Variants in OSBPL9 observed in about 807,000 individuals in gnomAD.
OSBPL9 encodes the protein oxysterol-binding protein-related protein 9.
OSBPL9 carries 40 observed loss-of-function variants against 106.6 expected under a neutral mutation model. The ratio of observed to expected loss-of-function variants is 0.38; its 90% CI spans 0.29 to 0.49. The LOEUF (loss-of-function observed/expected upper bound fraction) is 0.49. OSBPL9 is among the 20% of genes least tolerant of loss of function. The probability of loss-of-function intolerance (pLI) is 0.97; values close to 1 mark genes in which losing one functional copy is unlikely to be tolerated. For missense variants in OSBPL9, 609 were observed against 887.2 expected (o/e 0.69, Z 3.98); for synonymous variants, 269 against 295.4 (o/e 0.91, Z 0.92).
At chr1:51,749,158 TAATTC>T (rs1223677557) in intron 7 of OSBPL9, among the ~76,000 whole-genome samples, 2 of 152,118 alleles carry the variant, frequency 1.3e-5, no homozygotes, top group Non-Finnish European at 2.9e-5. Context: ...AAATATATTA[TAATTC>T]AAGTTTTCTG....
intron 3 of OSBPL9, among the ~76,000 whole-genome samples, chr1:51,686,781 A>T (rs1482778183): frequency 1.3e-5 from 2 of 152,206 alleles, no homozygotes; most frequent in Non-Finnish European, 2.9e-5. Context: ...GTCAAACATT[A>T]ACCTGTACCC....
At chr1:51,584,151 C>G (rs1057402821) in intron 1 of OSBPL9, among the ~76,000 whole-genome samples, 1 of 152,084 alleles carries the variant, frequency 6.6e-6, no homozygotes, top group Non-Finnish European at 1.5e-5. Flanking sequence ...CCACTGTGCC[C>G]GGTTTCTGCA....
intron 3 of OSBPL9, among the ~76,000 whole-genome samples, chr1:51,704,229 A>G (rs1657941138): frequency 6.6e-6 from 1 of 152,036 alleles, no homozygotes; most frequent in Non-Finnish European, 1.5e-5. Context: ...TCCTCCTTGT[A>G]CCTCTGGTAG....
upstream of OSBPL9, among the ~76,000 whole-genome samples, chr1:51,576,226 T>G (rs962724028): frequency 6.6e-6 from 1 of 152,214 alleles, no homozygotes; most frequent in Non-Finnish European, 1.5e-5. Flanking sequence ...CCCGTCTCTT[T>G]CAAGGTCATG....
intron 1 of OSBPL9, among the ~76,000 whole-genome samples, chr1:51,590,217 G>A (rs1194931372): frequency 6.6e-6 from 1 of 151,928 alleles, no homozygotes; most frequent in African/African-American, 2.4e-5. Flanking sequence ...TATGAGAAAA[G>A]ACAAAGGGAA....
intron 2 of OSBPL9, among the ~76,000 whole-genome samples, chr1:51,601,339 C>T (rs1256406476): frequency 6.6e-6 from 1 of 152,196 alleles, no homozygotes; most frequent in African/African-American, 2.4e-5. Context: ...TGAAACCCTG[C>T]AGATCAGTGA....
At chr1:51,648,293 G>A (rs1646293888) in intron 1 of OSBPL9, among the ~76,000 whole-genome samples, 3 of 152,204 alleles carry the variant, frequency 2.0e-5, no homozygotes, top group Admixed American at 2.0e-4. Context: ...AGACCAGGAG[G>A]TAGCTGAAGA....
intron 8 of OSBPL9, among the ~76,000 whole-genome samples, chr1:51,753,080 A>ATT (rs567181743): frequency 6.6e-6 from 1 of 152,022 alleles, no homozygotes; most frequent in Non-Finnish European, 1.5e-5. Context: ...TATATGTATG[A>ATT]TTTTTTTTAC....
chr1:51,561,779 T>G, the OSBPL9 span: 2 of 152,202 alleles, frequency 1.3e-5, no homozygotes, highest in Admixed American at 6.5e-5. Flanking sequence ...AGTCTGAGGC[T>G]TATAAAGACC....
At chr1:51,568,220 C>T in the OSBPL9 span, among the ~76,000 whole-genome samples, 2 of 152,170 alleles carry the variant, frequency 1.3e-5, no homozygotes, top group Non-Finnish European at 2.9e-5. Context: ...TCTCTGATCT[C>T]CCAGGGCTCC....
upstream of OSBPL9, chr1:51,616,925 G>T (rs1186672505): frequency 2.8e-6 from 3 of 1,054,860 alleles, no homozygotes; most frequent in African/African-American, 3.2e-5. Context: ...CGCATCCGTG[G>T]CATGGAGTCC....
At chr1:51,672,069 G>A (rs1650006815) in intron 3 of OSBPL9, among the ~76,000 whole-genome samples, 1 of 152,178 alleles carries the variant, frequency 6.6e-6, no homozygotes, top group Non-Finnish European at 1.5e-5. Context: ...AACCATATGA[G>A]GCCTTTATAA....
chr1:51,776,511 A>G (rs1246787156), intron 14 of OSBPL9, among the ~76,000 whole-genome samples: 1 of 152,244 alleles, frequency 6.6e-6, no homozygotes, highest in Non-Finnish European at 1.5e-5. Context: ...GATAGGAGGC[A>G]TCAAAGGATT....
chr1:51,604,559 G>GA (rs1003965953), intron 2 of OSBPL9, among the ~76,000 whole-genome samples: 3 of 147,720 alleles, frequency 2.0e-5, no homozygotes, highest in Non-Finnish European at 4.5e-5. Context: ...CTGTCTCAAA[G>GA]AAAAAAAAAA....
At chr1:51,697,453 CTTTTTTTTTTT>C (rs759965779) in intron 3 of OSBPL9, among the ~76,000 whole-genome samples, 5 of 103,166 alleles carry the variant, frequency 4.8e-5, no homozygotes, top group Non-Finnish European at 1.0e-4. Context: ...ATAGGGGTTA[CTTTTTTTTTTT>C]TTTTTTTTTT....
At chr1:51,757,599 G>C (rs1670615190) in intron 9 of OSBPL9, among the ~76,000 whole-genome samples, 1 of 151,838 alleles carries the variant, frequency 6.6e-6, no homozygotes, top group Non-Finnish European at 1.5e-5. Context: ...CATCTAGAAA[G>C]TTTATACTCA....
intron 3 of OSBPL9, among the ~76,000 whole-genome samples, chr1:51,688,021 T>C (rs1376426289): frequency 1.3e-5 from 2 of 152,104 alleles, no homozygotes; most frequent in African/African-American, 4.8e-5. Context: ...TGATTGTCAA[T>C]GGATGGACTA....
chr1:51,520,743 T>C, the OSBPL9 span, among the ~76,000 whole-genome samples: 11 of 152,334 alleles, frequency 7.2e-5, no homozygotes, highest in South Asian at 8.3e-4. Context: ...TTTTAGACTA[T>C]TGCCTCCACA....
intron 8 of OSBPL9, among the ~76,000 whole-genome samples, chr1:51,750,615 T>G (rs1326840095): frequency 2.6e-5 from 4 of 152,170 alleles, no homozygotes. Flanking sequence ...GTGAACTACG[T>G]TAGTGGATTT....
Sources: gnomAD v4.1 joint callset for allele counts (sites outside exome capture counted in the v4.1 genomes callset) on GRCh38, gnomAD v4.1.1 for gene constraint, MANE v1.5 for transcripts, NCBI Gene and HGNC (gene_info 2026-07-23, HGNC 2026-07-21) for gene names.